Variants in LGALS8 observed in about 807,000 individuals in gnomAD.
The protein encoded by LGALS8 is galectin-8.
Under a neutral mutation model 35.9 loss-of-function variants are expected in LGALS8, and 30 were observed. That is an observed-to-expected ratio of 0.83 (90% CI 0.62 to 1.13). The LOEUF (loss-of-function observed/expected upper bound fraction) is 1.13, where lower values mean the gene tolerates loss of function less well. Among genes scored for constraint, LGALS8 ranks in the 50% most tolerant of loss-of-function variants. LGALS8 has a pLI of 0.00. For missense variants in LGALS8, 366 were observed against 388.7 expected, an observed-to-expected ratio of 0.94 and a Z score of 0.49; for synonymous variants, 138 against 136.1, an observed-to-expected ratio of 1.01 and a Z score of -0.10.
intron 1 of LGALS8, 83 bp downstream of exon 1, chr1:236,524,144 G>C (rs1660666214): frequency 2.2e-6 from 1 of 456,554 alleles, no homozygotes; most frequent in African/African-American, 2.0e-5. Flanking sequence ...AGTGGAGGAT[G>C]GCATTCGGAT....
At chr1:236,544,414 G>A (rs1662227954) in intron 8 of LGALS8, among the ~76,000 whole-genome samples, 1 of 152,242 alleles carries the variant, frequency 6.6e-6, no homozygotes, top group Non-Finnish European at 1.5e-5. Context: ...ATGATGAAAA[G>A]AGAATACCTG....
Position 236,549,788 on chromosome 1 carries a change from G to C in LGALS8, c.*1627G>C, listed in dbSNP as rs1371875174. On this transcript the variant is annotated 3_prime_UTR_variant, in exon 10 of 10. Transcript: ENST00000366584. ...AAATAGCCCACTCACATCATTCCTT[G>C]TAAGTCTTAAGTTCATTTTCATTTT... The C allele has an allele frequency of 6.6e-6, 1 of 152,120 alleles. No individual in the cohort carries two copies. The highest frequency in any genetic ancestry group is 2.4e-5 in the African/African-American group (1 of 41,420). 9.4% of individuals were successfully genotyped at this position (152,120 alleles called of 1,614,324 possible).
At chr1:236,547,450 G>T (rs921315180) in intron 9 of LGALS8, among the ~76,000 whole-genome samples, 1 of 152,216 alleles carries the variant, frequency 6.6e-6, no homozygotes, top group East Asian at 1.9e-4. Context: ...AGCTTATCAG[G>T]ATCAGGATCA....
intron 2 of LGALS8, chr1:236,536,767 GGGCCTAGTGT>G (rs1484133978): frequency 6.6e-6 from 1 of 152,240 alleles, no homozygotes; most frequent in Non-Finnish European, 1.5e-5. Flanking sequence ...CATTGGCTTT[GGGCCTAGTGT>G]GGCCTCGAAC....
At position 236,543,494 on chromosome 1, in the gene LGALS8, GAC is replaced by G. The variant is rs1391100896; in HGVS notation, c.550-63_550-62del. 3 of 1,143,956 alleles carry G rather than the reference GAC, an allele frequency of 2.6e-6. No homozygotes were observed. The African/African-American group carries it at 4.6e-5, about 17-fold the overall frequency. 70.9% of individuals were successfully genotyped at this position (1,143,956 alleles called of 1,614,324 possible). On this transcript the variant is annotated intron_variant, in intron 7 of 9. Transcript: ENST00000366584. ...CTGAAACATTCCGTAGTGTTCTTTG[GAC>G]ACGAGTTTTCCCTGGAGATCGCTTT...
At chr1:236,527,417 G>C (rs1660872625) in intron 2 of LGALS8, among the ~76,000 whole-genome samples, 1 of 152,224 alleles carries the variant, frequency 6.6e-6, no homozygotes, top group Non-Finnish European at 1.5e-5. Flanking sequence ...AATGCCTTCA[G>C]TCTTGTGGCA....
In LGALS8 at chr1:236,541,664, G is replaced by A. The variant is rs1459975108; in HGVS notation, c.476G>A (p.Ser159Asn). 1 of 1,511,874 alleles carries A rather than the reference G, an allele frequency of 6.6e-7. No individual in the cohort carries two copies. The highest frequency in any genetic ancestry group is 2.3e-5 in the East Asian group (1 of 42,770). The allele number at this position is 1,511,874 out of a possible 1,614,324, so 93.7% of individuals were successfully genotyped here. ...ATTATCTTTTCTCAGGACTTACAAA[G>A]TACCCAAGCATCTAGTCTGGAACTG... is the stretch of plus-strand genomic sequence containing the variant. ...IGFSFSSDLQSTQASSLELTE... is the reference protein window; with the variant it reads ...IGFSFSSDLQNTQASSLELTE... Residue 159 changes from serine (S) to asparagine (N), a missense_variant, in exon 6 of 10, where the codon AGT becomes AAT. Coordinates refer to ENST00000366584, the MANE Select transcript of LGALS8 (RefSeq NM_201544.4).
chr1:236,539,379 T>C (rs901532286), intron 4 of LGALS8, among the ~76,000 whole-genome samples: 1 of 152,180 alleles, frequency 6.6e-6, no homozygotes. Context: ...CACAGTATTA[T>C]GTTCATGATG....
intron 2 of LGALS8, among the ~76,000 whole-genome samples, chr1:236,527,897 G>C (rs918365013): frequency 6.6e-6 from 1 of 151,802 alleles, no homozygotes; most frequent in Non-Finnish European, 1.5e-5. Flanking sequence ...TACCATGCCC[G>C]GCTAATTTTT....
In LGALS8 at chr1:236,550,986, T is replaced by C; in HGVS notation, c.*2825T>C. 1 of 1,452,624 alleles carries C rather than the reference T, an allele frequency of 6.9e-7. No individual in the cohort carries two copies. The highest frequency in any genetic ancestry group is 9.3e-7 in the Non-Finnish European group (1 of 1,071,310). 90.0% of individuals were successfully genotyped at this position (1,452,624 alleles called of 1,614,324 possible). A position where few individuals can be genotyped will look rare whatever the true frequency, so the allele number is the denominator to read the frequency against. ...GGCACTGATGTTCTACTTCTTCACA[T>C]TCATCTAAAAAAAAAAAAAAAAAAT... On this transcript the variant is annotated 3_prime_UTR_variant, in exon 10 of 10. Coordinates refer to ENST00000366584, the MANE Select transcript of LGALS8 (RefSeq NM_201544.4).
intron 1 of LGALS8, chr1:236,524,511 C>A (rs1381183683): frequency 4.5e-6 from 2 of 439,644 alleles, no homozygotes; most frequent in African/African-American, 4.0e-5. Context: ...CGTTCCCTGC[C>A]TCTAACACGC....
intron 2 of LGALS8, among the ~76,000 whole-genome samples, chr1:236,535,300 CTTTTT>C (rs1385952620): frequency 3.3e-5 from 5 of 151,336 alleles, no homozygotes; most frequent in African/African-American, 1.2e-4. Context: ...TTCTCTTTTT[CTTTTT>C]TTAATTTTTA....
At chr1:236,521,542 C>T (rs770546086), upstream of LGALS8, among the ~76,000 whole-genome samples, 14 of 151,986 alleles carry the variant, frequency 9.2e-5, no homozygotes, top group South Asian at 6.2e-4. Flanking sequence ...AATTAGTAGA[C>T]GGTTGGCCGG....
rs138432596 is a variant in LGALS8 at position 236,529,904 on chromosome 1, C to T, written c.45+3789C>T. Among the ~76,000 whole-genome samples the T allele has an allele frequency of 6.2e-3, 946 of 152,234 alleles. 4 individuals are homozygous for T. The highest frequency in any genetic ancestry group is 0.022 in the African/African-American group (909 of 41,550). On this transcript the variant is annotated intron_variant, in intron 2 of 9. Transcript: ENST00000366584. ...CTGAGCTCAGGCAATCCGCCCGCCT[C>T]GGCCTCCCAAAGTGCTAGGATTATA...
At chr1:236,519,248 A>G (rs1157589008), upstream of LGALS8, among the ~76,000 whole-genome samples, 3 of 150,562 alleles carry the variant, frequency 2.0e-5, no homozygotes, top group African/African-American at 4.9e-5. Flanking sequence ...AAAATTAGTC[A>G]GGCATGGTGG....
intron 1 of LGALS8, chr1:236,524,391 C>T (rs751324168): frequency 4.4e-5 from 20 of 456,626 alleles, no homozygotes; most frequent in South Asian, 1.1e-4. Flanking sequence ...ACCTGGGCTG[C>T]TTTCTCACCT....
At chr1:236,543,498 C>T (rs199855679) in intron 7 of LGALS8, 62 bp from the exon 8 acceptor site, 53 of 1,192,000 alleles carry the variant, frequency 4.4e-5, no homozygotes, top group Middle Eastern at 1.9e-4. Flanking sequence ...TCTTTGGACA[C>T]GAGTTTTCCC....
At chr1:236,531,043 T>G (rs1341067605) in intron 2 of LGALS8, among the ~76,000 whole-genome samples, 2 of 152,208 alleles carry the variant, frequency 1.3e-5, no homozygotes, top group Admixed American at 6.5e-5. Flanking sequence ...GTATAAACTG[T>G]TTTCTACCCT....
At chr1:236,544,535 T>G (rs1662237660) in intron 8 of LGALS8, among the ~76,000 whole-genome samples, 1 of 152,112 alleles carries the variant, frequency 6.6e-6, no homozygotes. Context: ...TAAAGGGTTT[T>G]TTTTTTCGTA....
Sources: allele counts gnomAD v4.1 joint callset (sites outside exome capture counted in the v4.1 genomes callset), GRCh38; gene constraint gnomAD v4.1.1; transcripts MANE v1.5; gene names NCBI Gene and HGNC (gene_info 2026-07-23, HGNC 2026-07-21).